Variants in CFHR2 observed in about 807,000 individuals in gnomAD.
The protein encoded by CFHR2 is complement factor H related 2.
In CFHR2, 22 loss-of-function variants were observed where a neutral mutation model predicts 21.7. That is an observed-to-expected ratio of 1.01 (90% CI 0.72 to 1.45). The LOEUF (loss-of-function observed/expected upper bound fraction) is 1.45, where lower values mean the gene tolerates loss of function less well. CFHR2 is among the 40% of genes most tolerant of loss of function. CFHR2 has a pLI of 0.00. For synonymous variants in CFHR2, 98 were observed against 97.4 expected, an observed-to-expected ratio of 1.01 and a Z score of -0.04; for missense variants, 294 against 293.3, an observed-to-expected ratio of 1.00 and a Z score of -0.02.
intron 3 of CFHR2, among the ~76,000 whole-genome samples, chr1:196,951,573 T>C (rs1465348615): frequency 6.6e-6 from 1 of 152,152 alleles, no homozygotes; most frequent in African/African-American, 2.4e-5. Flanking sequence ...CTCCCAGTCC[T>C]GTGTGAACTC....
chr1:196,956,509 G>A (rs992190725), intron 3 of CFHR2, among the ~76,000 whole-genome samples: 2 of 151,904 alleles, frequency 1.3e-5, no homozygotes, highest in East Asian at 1.9e-4. Flanking sequence ...GTTGTTGTTT[G>A]TCTTATTCTA....
chr1:196,948,895 A>G (rs1659619404), intron 1 of CFHR2, among the ~76,000 whole-genome samples: 1 of 152,138 alleles, frequency 6.6e-6, no homozygotes, highest in South Asian at 2.1e-4. Context: ...ATTTTCTTAT[A>G]TTCTCTCAAT....
intron 3 of CFHR2, among the ~76,000 whole-genome samples, chr1:196,951,979 G>A (rs1378424599): frequency 5.9e-5 from 9 of 152,042 alleles, no homozygotes; most frequent in Admixed American, 4.6e-4. Context: ...AATATATTTT[G>A]TACAGTTTTC....
intron 3 of CFHR2, among the ~76,000 whole-genome samples, chr1:196,957,276 C>T (rs1571496814): frequency 6.6e-6 from 1 of 151,828 alleles, no homozygotes; most frequent in East Asian, 1.9e-4. Context: ...CTGTGTCATT[C>T]CTTGAGTCCT....
chr1:196,957,840 G>A (rs1342189932), intron 3 of CFHR2, 51 bp from the exon 4 acceptor site: 7 of 1,548,212 alleles, frequency 4.5e-6, no homozygotes, highest in Non-Finnish European at 8.9e-7. Context: ...TGCCTTATTT[G>A]AACTTGTATT....
intron 4 of CFHR2, 61 bp from the exon 5 acceptor site, chr1:196,958,820 C>T: frequency 1.8e-6 from 2 of 1,090,852 alleles, no homozygotes; most frequent in South Asian, 1.5e-5. Context: ...ACTTGAAAAC[C>T]TGAGTCTATG....
At chr1:196,955,953 C>G (rs978897119) in intron 3 of CFHR2, among the ~76,000 whole-genome samples, 2 of 152,160 alleles carry the variant, frequency 1.3e-5, no homozygotes, top group Admixed American at 1.3e-4. Context: ...GGGGCAGGCA[C>G]TTCTTCACAA....
chr1:196,957,392 C>T (rs1652930962), intron 3 of CFHR2, among the ~76,000 whole-genome samples: 2 of 148,216 alleles, frequency 1.3e-5, no homozygotes, highest in South Asian at 4.2e-4. Flanking sequence ...TTGTACTTAG[C>T]ATAAGGAAAA....
intron 3 of CFHR2, among the ~76,000 whole-genome samples, chr1:196,953,393 G>A (rs887278599): frequency 2.0e-5 from 3 of 151,888 alleles, no homozygotes; most frequent in African/African-American, 7.3e-5. Context: ...AGCAATTCTT[G>A]TGCCTCAGCC....
rs760635216 is a variant in CFHR2 at position 196,957,881 on chromosome 1, G to GT, written c.431-3dup. The GT allele has an allele frequency of 8.3e-4, 1,326 of 1,607,144 alleles. 18 individuals carry two copies. The highest frequency in any genetic ancestry group is 1.9e-4 in the South Asian group (17 of 89,832). On this transcript the variant is annotated splice_polypyrimidine_tract_variant and intron_variant, in intron 3 of 4. Transcript: ENST00000367415. ...TTACTCTCCCAGTAAATCAAATGAT[G>GT]TTTTTTTAGTTTCTGCAGAAAAATG...
At chr1:196,954,013 C>T (rs1035139521) in intron 3 of CFHR2, among the ~76,000 whole-genome samples, 6 of 152,194 alleles carry the variant, frequency 3.9e-5, no homozygotes, top group African/African-American at 1.4e-4. Context: ...AGAAGATATT[C>T]ATAATGAGTT....
chr1:196,949,650 G>C lies in CFHR2; in HGVS notation c.253+1G>C. ...TGGTCACCAACACCAAAGTGTCTCAGTGAGTAAATGCCCTGTTCATTAAAT... is the reference window on the plus strand; with the variant it reads ...TGGTCACCAACACCAAAGTGTCTCACTGAGTAAATGCCCTGTTCATTAAAT... On this transcript the variant is annotated splice_donor_variant, in intron 2 of 4. Transcript: ENST00000367415. LOFTEE classifies it high-confidence loss of function. 1.2e-6 allele frequency: 2 copies of C among 1,613,738 alleles called. No individual in the cohort carries two copies. Among genetic ancestry groups the C allele is most frequent in the Non-Finnish European group, 1.7e-6 (2 of 1,179,726 alleles).
rs146956112 is a variant in CFHR2 at position 196,952,427 on chromosome 1, T to C, written c.430+1399T>C. Among the ~76,000 whole-genome samples, 49 of 152,266 alleles carry C rather than the reference T, an allele frequency of 3.2e-4. No homozygotes were observed. In the East Asian group the frequency reaches 8.1e-3, roughly 25 times the overall value. Reference sequence around the variant, plus strand: ...AAAAAACAAAAAAAAAGAACAAATGTTATGAATACCAGAAAATTGCAGTGA... The same window carrying C: ...AAAAAACAAAAAAAAAGAACAAATGCTATGAATACCAGAAAATTGCAGTGA... On this transcript the variant is annotated intron_variant, in intron 3 of 4. Transcript: ENST00000367415.
chr1:196,948,686 T>G (rs554040673), intron 1 of CFHR2, among the ~76,000 whole-genome samples: 22 of 152,188 alleles, frequency 1.4e-4, no homozygotes, highest in African/African-American at 5.3e-4. Flanking sequence ...TTTATTGTTT[T>G]ATTGTCTTTT....
chr1:196,958,810 A>T, intron 4 of CFHR2, 71 bp from the exon 5 acceptor site: 1 of 977,176 alleles, frequency 1.0e-6, no homozygotes, highest in Non-Finnish European at 1.6e-6. Context: ...ATAACATTCT[A>T]CTTGAAAACC....
intron 1 of CFHR2, among the ~76,000 whole-genome samples, chr1:196,946,904 TTG>T (rs1001809321): frequency 7.2e-5 from 11 of 152,342 alleles, no homozygotes; most frequent in Middle Eastern, 3.4e-3. Context: ...CTGTACAAAA[TTG>T]TGTGTGGCAT....
chr1:196,952,558 G>A (rs1652653852), intron 3 of CFHR2, among the ~76,000 whole-genome samples: 1 of 152,146 alleles, frequency 6.6e-6, no homozygotes, highest in Non-Finnish European at 1.5e-5. Flanking sequence ...GCTATTGTCA[G>A]CCCAACAATT....
intron 1 of CFHR2, among the ~76,000 whole-genome samples, chr1:196,944,781 A>G (rs2125000549): frequency 6.6e-6 from 1 of 151,912 alleles, no homozygotes; most frequent in South Asian, 2.1e-4. Context: ...ACAGTTTCTC[A>G]TCAGTCCTGA....
chr1:196,957,582 A>C (rs1005025573), intron 3 of CFHR2, among the ~76,000 whole-genome samples: 5 of 152,188 alleles, frequency 3.3e-5, no homozygotes, highest in African/African-American at 1.2e-4. Flanking sequence ...TGAATTTAAA[A>C]TAAGAAACTT....
Sources: gnomAD v4.1 joint callset for allele counts (sites outside exome capture counted in the v4.1 genomes callset) on GRCh38, gnomAD v4.1.1 for gene constraint, MANE v1.5 for transcripts, NCBI Gene and HGNC (gene_info 2026-07-23, HGNC 2026-07-21) for gene names.